The following ERI1 variants were observed in gnomAD, a reference collection of about 807,000 sequenced individuals.
ERI1 encodes 3'-5' exoribonuclease 1.
A neutral mutation model predicts 39.7 loss-of-function variants in ERI1; 39 were observed. The observed-to-expected ratio is 0.98, with a 90% CI of 0.76 to 1.28. The LOEUF is 1.28. Among genes scored for constraint, ERI1 ranks in the 50% most tolerant of loss-of-function variants. The probability of loss-of-function intolerance (pLI) is 0.00; values close to 1 mark genes in which losing one functional copy is unlikely to be tolerated. For synonymous variants in ERI1, 204 were observed against 149.6 expected (o/e 1.36, Z -2.65); for missense variants, 581 against 416.9 (o/e 1.39, Z -3.43).
chr8:9,063,727 A>T (rs1266615409), intron 3 of ERI1, among the ~76,000 whole-genome samples: 1 of 152,214 alleles, frequency 6.6e-6, no homozygotes, highest in Non-Finnish European at 1.5e-5. Context: ...TTTTACAACA[A>T]GAATTATTTA....
chr8:9,058,882 G>T (rs1468088452), intron 3 of ERI1, among the ~76,000 whole-genome samples: 1 of 150,884 alleles, frequency 6.6e-6, no homozygotes, highest in Non-Finnish European at 1.5e-5. Context: ...TTTTATCTTT[G>T]GCCTTTTTAA....
intron 3 of ERI1, among the ~76,000 whole-genome samples, chr8:9,072,985 A>G (rs1799103458): frequency 6.6e-6 from 1 of 152,058 alleles, no homozygotes. Flanking sequence ...TGCTCACTGT[A>G]TTTTCACTCT....
intron 1 of ERI1, among the ~76,000 whole-genome samples, chr8:9,005,669 G>T (rs1201788272): frequency 3.5e-5 from 5 of 141,786 alleles, no homozygotes; most frequent in Non-Finnish European, 7.4e-5. Context: ...CGCCCGCCCG[G>T]CTAATTTTTT....
intron 3 of ERI1, among the ~76,000 whole-genome samples, chr8:9,042,589 G>A (rs1370316169): frequency 2.6e-5 from 4 of 152,046 alleles, no homozygotes; most frequent in Non-Finnish European, 4.4e-5. Context: ...GGCCTTCTGG[G>A]GCTTTGTGGC....
intron 6 of ERI1, among the ~76,000 whole-genome samples, chr8:9,025,700 TTTTG>T (rs1253760442): frequency 2.2e-4 from 18 of 81,628 alleles, no homozygotes; most frequent in East Asian, 8.9e-4. Context: ...AATCTTTTTT[TTTTG>T]TGTGTGTGTG....
chr8:9,082,043 A>G (rs1799388581), intron 3 of ERI1, among the ~76,000 whole-genome samples: 1 of 152,056 alleles, frequency 6.6e-6, no homozygotes, highest in Admixed American at 6.6e-5. Context: ...CCCCCACCCC[A>G]TTAGAACTCT....
At chr8:9,050,240 C>T (rs1171194668) in intron 3 of ERI1, among the ~76,000 whole-genome samples, 3 of 151,908 alleles carry the variant, frequency 2.0e-5, no homozygotes, top group African/African-American at 4.8e-5. Flanking sequence ...GGGCGCAGTG[C>T]CTCACACCTA....
intron 4 of ERI1, among the ~76,000 whole-genome samples, chr8:9,017,497 G>A (rs952501139): frequency 2.6e-5 from 4 of 152,170 alleles, no homozygotes; most frequent in African/African-American, 9.7e-5. Flanking sequence ...ATAGACGTAT[G>A]TCTGTGCAGT....
chr8:9,046,368 G>A (rs139145339), intron 3 of ERI1, among the ~76,000 whole-genome samples: 95 of 152,308 alleles, frequency 6.2e-4, no homozygotes, highest in African/African-American at 2.1e-3. Flanking sequence ...ATGCGAGACT[G>A]CCTAGAGGAG....
Position 9,030,052 on chromosome 8 carries a change from G to C in ERI1, c.*18G>C. ...GAAAGTAACAACAGTTTTGTGTGTG[G>C]ATCATTCCAATTGAAGTTGCTATGA... is the stretch of plus-strand genomic sequence containing the variant. On this transcript the variant is annotated 3_prime_UTR_variant, in exon 7 of 7. Transcript: ENST00000250263. 1 of 1,610,300 alleles carries C rather than the reference G, an allele frequency of 6.2e-7. No individual in the cohort carries two copies. The highest frequency in any genetic ancestry group is 8.5e-7 in the Non-Finnish European group (1 of 1,176,846).
intron 1 of ERI1, among the ~76,000 whole-genome samples, chr8:9,006,096 A>T (rs896283350): frequency 6.6e-6 from 1 of 152,234 alleles, no homozygotes; most frequent in African/African-American, 2.4e-5. Context: ...TGTATTTCGT[A>T]AACTAATTTT....
chr8:9,045,107 G>A (rs978407822), intron 3 of ERI1, among the ~76,000 whole-genome samples: 3 of 151,776 alleles, frequency 2.0e-5, no homozygotes, highest in Non-Finnish European at 4.4e-5. Context: ...GTAGTGGCGG[G>A]CACCTGTAGT....
At chr8:9,043,789 G>A (rs1397224232) in intron 3 of ERI1, among the ~76,000 whole-genome samples, 7 of 152,310 alleles carry the variant, frequency 4.6e-5, no homozygotes, top group African/African-American at 1.7e-4. Flanking sequence ...CTGTGCTCAA[G>A]CCATCCTCCT....
chr8:9,083,948 C>T (rs1356413117), intron 3 of ERI1, among the ~76,000 whole-genome samples: 2 of 152,166 alleles, frequency 1.3e-5, no homozygotes, highest in Non-Finnish European at 2.9e-5. Context: ...CACCTGCCAC[C>T]ATGCCCGGCT....
intron 3 of ERI1, among the ~76,000 whole-genome samples, chr8:9,042,413 T>G (rs1798054184): frequency 6.6e-6 from 1 of 152,186 alleles, no homozygotes; most frequent in Non-Finnish European, 1.5e-5. Context: ...TTTTATACAT[T>G]AAGAAACAAA....
chr8:9,018,319 C>G lies in ERI1; in HGVS notation c.605C>G (p.Thr202Ser). 3 of 1,611,522 alleles carry G rather than the reference C, an allele frequency of 1.9e-6. No homozygotes were observed. Among genetic ancestry groups the G allele is most frequent in the Non-Finnish European group, 2.5e-6 (3 of 1,178,082 alleles). ...CAGGATCAGGTAGACAGAGCTGATA[C>G]CTTCCCTCAGGTACTAAAAAAAGTA... ...ITQDQVDRAD[T>S]FPQVLKKVID... Residue 202 changes from threonine to serine, a missense_variant, in exon 5 of 7, where the codon ACC becomes AGC. Thr to Ser is a moderately conservative substitution (Grantham distance 58). Coordinates refer to ENST00000250263, the MANE Select transcript of ERI1 (RefSeq NM_153332.4).
Position 9,013,490 on chromosome 8 carries a change from C to G in ERI1, c.498+1738C>G, listed in dbSNP as rs562315429. On this transcript the variant is annotated intron_variant, in intron 3 of 6. Coordinates refer to ENST00000250263, the MANE Select transcript of ERI1 (RefSeq NM_153332.4). ...TTCCTCCTTTCCTTCCCAGCTTCCCCGTATCAGATGACCCAGGTCTCAATC... is the reference window on the plus strand; with the variant it reads ...TTCCTCCTTTCCTTCCCAGCTTCCCGGTATCAGATGACCCAGGTCTCAATC... 5.3e-5 allele frequency among the ~76,000 whole-genome samples: 8 copies of G among 152,100 alleles called. No individual in the cohort carries two copies. The South Asian group carries it at 8.3e-4, about 16-fold the overall frequency.
rs186115433 is a variant in ERI1 at position 9,015,987 on chromosome 8, T to C, written c.499-335T>C. Reference sequence around the variant, plus strand: ...AATTTATTATTTTTAAAACTTAGTATCTTGAAGTAGAGGATGCATTAATGC... The same window carrying C: ...AATTTATTATTTTTAAAACTTAGTACCTTGAAGTAGAGGATGCATTAATGC... On this transcript the variant is annotated intron_variant, in intron 3 of 6. Transcript: ENST00000250263. 1.7e-4 allele frequency among the ~76,000 whole-genome samples: 26 copies of C among 152,306 alleles called. No individual in the cohort carries two copies. The East Asian group carries it at 3.3e-3, about 19-fold the overall frequency.
At chr8:9,087,434 T>G (rs56044901) in intron 3 of ERI1, among the ~76,000 whole-genome samples, 13,782 of 74,968 alleles carry the variant, frequency 0.18, 622 homozygotes, top group African/African-American at 0.2. Flanking sequence ...TTTTTTTTTT[T>G]TGATTTTTAG....
Sources: allele counts gnomAD v4.1 joint callset (sites outside exome capture counted in the v4.1 genomes callset), GRCh38; gene constraint gnomAD v4.1.1; transcripts MANE v1.5; gene names NCBI Gene and HGNC (gene_info 2026-07-23, HGNC 2026-07-21).